The following AGR2 variants were observed in gnomAD, a reference collection of about 807,000 sequenced individuals.
AGR2 encodes anterior gradient 2, protein disulphide isomerase family member, also known as anterior gradient protein 2 homolog.
Under a neutral mutation model 25.9 loss-of-function variants are expected in AGR2, and 27 were observed. The ratio of observed to expected loss-of-function variants is 1.04; its 90% CI spans 0.77 to 1.44. The LOEUF (loss-of-function observed/expected upper bound fraction) is 1.44, where lower values mean the gene tolerates loss of function less well. AGR2 is among the 40% of genes most tolerant of loss of function. The probability of loss-of-function intolerance (pLI) is 0.00; values close to 1 mark genes in which losing one functional copy is unlikely to be tolerated. For synonymous variants in AGR2, 78 were observed against 72.0 expected (o/e 1.08, Z -0.42); for missense variants, 182 against 200.9 (o/e 0.91, Z 0.57).
At chr7:16,803,829 TTGGAATACTGGC>T (rs1312415052) in intron 1 of AGR2, among the ~76,000 whole-genome samples, 4 of 152,210 alleles carry the variant, frequency 2.6e-5, no homozygotes, top group African/African-American at 9.6e-5. Context: ...AATTATACAT[TTGGAATACTGGC>T]TGGTTCAGAA....
intron 6 of AGR2, 64 bp from the exon 7 acceptor site, chr7:16,795,083 G>GC: frequency 6.4e-7 from 1 of 1,553,200 alleles, no homozygotes; most frequent in Non-Finnish European, 8.9e-7. Flanking sequence ...TGTATTTATT[G>GC]CCCCGGGGAG....
At chr7:16,799,688 C>T in intron 5 of AGR2, 56 bp downstream of exon 5, 2 of 1,265,080 alleles carry the variant, frequency 1.6e-6, no homozygotes, top group Non-Finnish European at 2.3e-6. Flanking sequence ...AATGAATCAT[C>T]CATTTCAAGT....
intron 5 of AGR2, among the ~76,000 whole-genome samples, chr7:16,799,231 T>C (rs1010822875): frequency 6.6e-6 from 1 of 152,204 alleles, no homozygotes; most frequent in Non-Finnish European, 1.5e-5. Context: ...GAGTCATTTT[T>C]TTGTTGGCTT....
chr7:16,794,858 T>C (rs757896471), intron 7 of AGR2, 78 bp downstream of exon 7: 3 of 1,602,908 alleles, frequency 1.9e-6, no homozygotes, highest in Non-Finnish European at 2.6e-6. Flanking sequence ...CACCTCACCA[T>C]GCAGCCTCTA....
chr7:16,804,072 C>T lies in AGR2; in HGVS notation c.-8+863G>A, dbSNP rs372239211. On this transcript the variant is annotated intron_variant, in intron 1 of 7. Coordinates refer to ENST00000419304, the MANE Select transcript of AGR2 (RefSeq NM_006408.4). ...CTATTGATATATTGCTTGTGTTTTACGGCAGGATGACTCAAGGAAGGCTAA... is the reference window on the plus strand; with the variant it reads ...CTATTGATATATTGCTTGTGTTTTATGGCAGGATGACTCAAGGAAGGCTAA... Among the ~76,000 whole-genome samples the T allele has an allele frequency of 1.1e-3, 163 of 152,190 alleles. 1 individual carries two copies. The highest frequency in any genetic ancestry group is 6.8e-3 in the Middle Eastern group (2 of 294).
chr7:16,794,110 C>G (rs1785003958), intron 7 of AGR2, among the ~76,000 whole-genome samples: 1 of 152,202 alleles, frequency 6.6e-6, no homozygotes, highest in Admixed American at 6.5e-5. Flanking sequence ...CACGGCCTCA[C>G]TTCTCTTCCC....
At chr7:16,804,591 C>G (rs761135134) in intron 1 of AGR2, among the ~76,000 whole-genome samples, 1 of 152,072 alleles carries the variant, frequency 6.6e-6, no homozygotes. Flanking sequence ...TGCTTTAGCC[C>G]GTGGGAAAGA....
At chr7:16,798,915 T>G (rs565793776) in intron 5 of AGR2, among the ~76,000 whole-genome samples, 1 of 152,206 alleles carries the variant, frequency 6.6e-6, no homozygotes, top group African/African-American at 2.4e-5. Context: ...TTATGAGATA[T>G]CTGGAATATG....
chr7:16,797,506 C>T, intron 6 of AGR2, 125 bp downstream of exon 6: 2 of 690,978 alleles, frequency 2.9e-6, no homozygotes, highest in African/African-American at 1.8e-5. Context: ...GAATGTCATG[C>T]TCCTTGCTAG....
intron 4 of AGR2, among the ~76,000 whole-genome samples, chr7:16,800,106 C>T (rs1785116526): frequency 6.6e-6 from 1 of 152,012 alleles, no homozygotes; most frequent in South Asian, 2.1e-4. Flanking sequence ...AGGGATGGTG[C>T]AGTGAACAAA....
chr7:16,800,625 G>A (rs2115358708), intron 4 of AGR2, among the ~76,000 whole-genome samples: 1 of 152,326 alleles, frequency 6.6e-6, no homozygotes, highest in Non-Finnish European at 1.5e-5. Flanking sequence ...TTAGGTGACT[G>A]TTATGGTAGT....
At chr7:16,800,033 A>AT (rs67666279) in intron 4 of AGR2, among the ~76,000 whole-genome samples, 6,905 of 151,982 alleles carry the variant, frequency 0.045, 516 homozygotes, top group African/African-American at 0.15. Context: ...TCATCAATTC[A>AT]TTTTTTTCTC....
At chr7:16,801,579 A>T in intron 2 of AGR2, 79 bp downstream of exon 2, 1 of 1,569,266 alleles carries the variant, frequency 6.4e-7, no homozygotes, top group Non-Finnish European at 8.8e-7. Flanking sequence ...CCAGGTTAGA[A>T]CCAGGTTTAA....
intron 6 of AGR2, among the ~76,000 whole-genome samples, chr7:16,796,241 GA>G (rs1227653621): frequency 6.6e-6 from 1 of 152,194 alleles, no homozygotes; most frequent in Non-Finnish European, 1.5e-5. Flanking sequence ...TCTTAGGACT[GA>G]AGGAATTGAA....
At position 16,801,859 on chromosome 7, in the gene AGR2, G is replaced by A. The variant is rs182294292; in HGVS notation, c.-7-56C>T. 3.6e-3 allele frequency: 5,381 copies of A among 1,512,390 alleles called. 33 individuals are homozygous for A. Among genetic ancestry groups the A allele is most frequent in the Non-Finnish European group, 4.1e-3 (4,604 of 1,112,190 alleles). The allele number at this position is 1,512,390 out of a possible 1,614,324, so 93.7% of individuals were successfully genotyped here. A position where few individuals can be genotyped will look rare whatever the true frequency, so the allele number is the denominator to read the frequency against. ...ACAAAATTGAACTAGCAGTCTTCAG[G>A]GTCTGCAGGTTGCCCCACAACGGTG... On this transcript the variant is annotated intron_variant, in intron 1 of 7. Coordinates refer to ENST00000419304, the MANE Select transcript of AGR2 (RefSeq NM_006408.4).
At chr7:16,799,477 C>G (rs576046150) in intron 5 of AGR2, 1 of 388,850 alleles carries the variant, frequency 2.6e-6, no homozygotes, top group Admixed American at 4.1e-5. Flanking sequence ...CAGCAAGTAA[C>G]AAAAACCTTC....
chr7:16,795,140 C>A, intron 6 of AGR2, 121 bp from the exon 7 acceptor site: 1 of 1,072,058 alleles, frequency 9.3e-7, no homozygotes, highest in South Asian at 1.4e-5. Context: ...AGTGTGTCTG[C>A]ACTCACAGGA....
chr7:16,798,636 A>G (rs1461753522), intron 5 of AGR2, among the ~76,000 whole-genome samples: 1 of 152,242 alleles, frequency 6.6e-6, no homozygotes, highest in Non-Finnish European at 1.5e-5. Context: ...CTTGTAGACC[A>G]GGAGCCATTT....
intron 5 of AGR2, among the ~76,000 whole-genome samples, chr7:16,797,933 GA>G (rs1785077448): frequency 6.6e-6 from 1 of 152,164 alleles, no homozygotes; most frequent in Non-Finnish European, 1.5e-5. Flanking sequence ...AATTAAGGGA[GA>G]ATTTGGAAGG....
Sources: allele counts gnomAD v4.1 joint callset (sites outside exome capture counted in the v4.1 genomes callset), GRCh38; gene constraint gnomAD v4.1.1; transcripts MANE v1.5; gene names NCBI Gene and HGNC (gene_info 2026-07-23, HGNC 2026-07-21).